The following SPOPL variants were observed in gnomAD, a reference collection of about 807,000 sequenced individuals.
SPOPL encodes speckle-type POZ protein-like.
A neutral mutation model predicts 53.8 loss-of-function variants in SPOPL; 23 were observed. That is an observed-to-expected ratio of 0.43 (90% CI 0.31 to 0.61). SPOPL has a LOEUF of 0.61. Ranked by LOEUF, SPOPL falls within the 20% of genes least tolerant of loss-of-function variation. SPOPL has a pLI of 0.12. For missense variants in SPOPL, 442 were observed against 466.9 expected (o/e 0.95, Z 0.49); for synonymous variants, 164 against 149.7 (o/e 1.10, Z -0.70).
intron 1 of SPOPL, among the ~76,000 whole-genome samples, chr2:138,543,517 T>C (rs1558873283): frequency 6.6e-6 from 1 of 152,240 alleles, no homozygotes; most frequent in East Asian, 1.9e-4. Flanking sequence ...TTTCTTTCAG[T>C]TGGTCGCATT....
rs747472359 is a variant in SPOPL at position 138,550,476 on chromosome 2, C to T, written c.79-7C>T. ...TCATTATAAAAGTGGTTTTCTGAATCTCTTAGGTTAAAGTAGTAAAATTTT... is the reference window on the plus strand; with the variant it reads ...TCATTATAAAAGTGGTTTTCTGAATTTCTTAGGTTAAAGTAGTAAAATTTT... On this transcript the variant is annotated splice_region_variant and splice_polypyrimidine_tract_variant and intron_variant, in intron 2 of 10. Transcript: ENST00000280098. The T allele has an allele frequency of 4.8e-5, 77 of 1,601,220 alleles. No individual in the cohort carries two copies. The highest frequency in any genetic ancestry group is 6.4e-5 in the Non-Finnish European group (75 of 1,172,756).
chr2:138,558,622 A>G lies in SPOPL; in HGVS notation c.481-400A>G, dbSNP rs188277853. ...TAAACAAAATACTATGTTTATGTAC[A>G]TATAGTAAAATTTAAATGTAGGTAG... On this transcript the variant is annotated intron_variant, in intron 5 of 10. Transcript: ENST00000280098. 1.6e-3 allele frequency among the ~76,000 whole-genome samples: 244 copies of G among 152,276 alleles called. 1 individual carries two copies. The highest frequency in any genetic ancestry group is 0.011 in the Middle Eastern group (3 of 284).
intron 1 of SPOPL, among the ~76,000 whole-genome samples, chr2:138,519,649 T>G (rs1411172625): frequency 6.6e-6 from 1 of 151,978 alleles, no homozygotes; most frequent in Non-Finnish European, 1.5e-5. Context: ...GACATAAAAT[T>G]ATGCAGGTAT....
At chr2:138,547,190 T>C (rs143638130) in intron 1 of SPOPL, among the ~76,000 whole-genome samples, 1,652 of 152,240 alleles carry the variant, frequency 0.011, 34 homozygotes, top group African/African-American at 0.037. Context: ...GGTCTTGAAC[T>C]CCTGGGCTCA....
intron 1 of SPOPL, among the ~76,000 whole-genome samples, chr2:138,534,970 A>T (rs1231879131): frequency 6.6e-6 from 1 of 152,166 alleles, no homozygotes; most frequent in African/African-American, 2.4e-5. Flanking sequence ...TCATTGTGTG[A>T]CCAGGCTTAA....
chr2:138,541,702 A>AT (rs1214519677), intron 1 of SPOPL, among the ~76,000 whole-genome samples: 5 of 151,938 alleles, frequency 3.3e-5, no homozygotes, highest in African/African-American at 1.2e-4. Context: ...GGATTCATTG[A>AT]TTTTTTTGAA....
chr2:138,521,347 AG>A (rs1409458768), intron 1 of SPOPL, among the ~76,000 whole-genome samples: 3 of 150,628 alleles, frequency 2.0e-5, no homozygotes, highest in Non-Finnish European at 2.9e-5. Flanking sequence ...CAAGTATCTC[AG>A]CACGTGGACC....
At chr2:138,563,978 TATACTG>T (rs1685606035) in intron 8 of SPOPL, among the ~76,000 whole-genome samples, 1 of 152,182 alleles carries the variant, frequency 6.6e-6, no homozygotes, top group Non-Finnish European at 1.5e-5. Flanking sequence ...TCAAAATAAT[TATACTG>T]AATGAAGGAG....
chr2:138,544,205 G>A (rs1224501060), intron 1 of SPOPL, among the ~76,000 whole-genome samples: 1 of 152,198 alleles, frequency 6.6e-6, no homozygotes, highest in Non-Finnish European at 1.5e-5. Flanking sequence ...GTGGCAGTCT[G>A]TCTGTTCTCA....
Position 138,570,836 on chromosome 2 carries a change from C to G in SPOPL, c.*1756C>G, listed in dbSNP as rs1276186514. The G allele has an allele frequency of 6.6e-6, 1 of 152,124 alleles. No individual in the cohort carries two copies. The highest frequency in any genetic ancestry group is 1.5e-5 in the Non-Finnish European group (1 of 68,006). 9.4% of individuals were successfully genotyped at this position (152,124 alleles called of 1,614,324 possible). A position where few individuals can be genotyped will look rare whatever the true frequency, so the allele number is the denominator to read the frequency against. On this transcript the variant is annotated 3_prime_UTR_variant, in exon 11 of 11. Coordinates refer to ENST00000280098, the MANE Select transcript of SPOPL (RefSeq NM_001001664.3). ...TCATATTTACATTGAAAAAACTCAACTAAGCATTTGTTATCCACAACAACC... is the reference window on the plus strand; with the variant it reads ...TCATATTTACATTGAAAAAACTCAAGTAAGCATTTGTTATCCACAACAACC...
intron 1 of SPOPL, among the ~76,000 whole-genome samples, chr2:138,524,795 A>G (rs1481367426): frequency 6.6e-6 from 1 of 152,180 alleles, no homozygotes; most frequent in Non-Finnish European, 1.5e-5. Flanking sequence ...CATTGTCCAT[A>G]TCATTATTAG....
At chr2:138,560,323 T>C (rs1029110091) in intron 7 of SPOPL, among the ~76,000 whole-genome samples, 1 of 152,182 alleles carries the variant, frequency 6.6e-6, no homozygotes, top group East Asian at 1.9e-4. Context: ...TACAGGATCT[T>C]AGGTGTTGTA....
chr2:138,531,210 T>C (rs1430473042), intron 1 of SPOPL, among the ~76,000 whole-genome samples: 1 of 152,024 alleles, frequency 6.6e-6, no homozygotes, highest in Non-Finnish European at 1.5e-5. Flanking sequence ...TTCTCTCCTT[T>C]TAAAAATCTA....
chr2:138,556,892 C>T (rs1685436532), intron 5 of SPOPL, among the ~76,000 whole-genome samples: 1 of 152,182 alleles, frequency 6.6e-6, no homozygotes, highest in Non-Finnish European at 1.5e-5. Context: ...CACGGTGGCT[C>T]ACGCCTGTAA....
intron 1 of SPOPL, among the ~76,000 whole-genome samples, chr2:138,502,488 G>T (rs1314355984): frequency 6.6e-6 from 1 of 152,094 alleles, no homozygotes; most frequent in Non-Finnish European, 1.5e-5. Context: ...CTTTTTACCT[G>T]AGTGCTGCCC....
chr2:138,543,577 C>A (rs971582335), intron 1 of SPOPL, among the ~76,000 whole-genome samples: 1 of 152,182 alleles, frequency 6.6e-6, no homozygotes, highest in Non-Finnish European at 1.5e-5. Flanking sequence ...TCTTGGTTTT[C>A]AGCTCCATCA....
At chr2:138,507,038 A>G (rs1380241273) in intron 1 of SPOPL, among the ~76,000 whole-genome samples, 1 of 152,204 alleles carries the variant, frequency 6.6e-6, no homozygotes, top group East Asian at 1.9e-4. Flanking sequence ...GGGAGTGGCC[A>G]GTTGAATATT....
chr2:138,560,859 T>C lies in SPOPL; in HGVS notation c.769T>C (p.Phe257Leu). Reference sequence around the variant, plus strand: ...TGAAGTTTTTAAAGAAATGATGAGATTCATTTACACAGGGAGAGCACCAAA... The same window carrying C: ...TGAAGTTTTTAAAGAAATGATGAGACTCATTTACACAGGGAGAGCACCAAA... ...DPEVFKEMMR[F>L]IYTGRAPNLD... Residue 257 changes from phenylalanine to leucine, a missense_variant, in exon 8 of 11, where the codon TTC becomes CTC. Transcript: ENST00000280098. The C allele has an allele frequency of 1.9e-6, 3 of 1,610,358 alleles. No homozygotes were observed. Among genetic ancestry groups the C allele is most frequent in the Non-Finnish European group, 2.5e-6 (3 of 1,178,896 alleles).
At position 138,570,334 on chromosome 2, in the gene SPOPL, G is replaced by A. The variant is rs1029667431; in HGVS notation, c.*1254G>A. On this transcript the variant is annotated 3_prime_UTR_variant, in exon 11 of 11. Coordinates refer to ENST00000280098, the MANE Select transcript of SPOPL (RefSeq NM_001001664.3). Reference sequence around the variant, plus strand: ...TTTCAGTTACTGTACTAACATTGTGGATGATACTGAAATTCTGCATAATGT... The same window carrying A: ...TTTCAGTTACTGTACTAACATTGTGAATGATACTGAAATTCTGCATAATGT... The A allele has an allele frequency of 3.3e-5, 5 of 152,158 alleles. No homozygotes were observed. Among genetic ancestry groups the A allele is most frequent in the Admixed American group, 2.6e-4 (4 of 15,264 alleles). 9.4% of individuals were successfully genotyped at this position (152,158 alleles called of 1,614,324 possible).
Sources: gnomAD v4.1 joint callset for allele counts (sites outside exome capture counted in the v4.1 genomes callset) on GRCh38, gnomAD v4.1.1 for gene constraint, MANE v1.5 for transcripts, NCBI Gene and HGNC (gene_info 2026-07-23, HGNC 2026-07-21) for gene names.